Variants in SGCD observed in about 807,000 individuals in gnomAD.
The protein encoded by SGCD is delta-sarcoglycan.
In SGCD, 18 loss-of-function variants were observed where a neutral mutation model predicts 36.6. The observed-to-expected ratio is 0.49, with a 90% CI of 0.34 to 0.73. SGCD has a LOEUF of 0.73. SGCD is among the 30% of genes least tolerant of loss of function. The pLI, the probability that SGCD is intolerant of heterozygous loss-of-function variation, is 0.01. For missense variants in SGCD, 387 were observed against 346.7 expected (o/e 1.12, Z -0.92); for synonymous variants, 133 against 130.6 (o/e 1.02, Z -0.12).
intron 3 of SGCD, among the ~76,000 whole-genome samples, chr5:156,399,530 C>G (rs2135028): frequency 0.23 from 34,925 of 152,048 alleles, 4,413 homozygotes; most frequent in East Asian, 0.38. Context: ...CTTTCCAGGG[C>G]TCTTGTACTT....
chr5:156,730,593 A>G (rs1756011128), intron 7 of SGCD, among the ~76,000 whole-genome samples: 1 of 152,152 alleles, frequency 6.6e-6, no homozygotes, highest in African/African-American at 2.4e-5. Context: ...CATGGTGTAT[A>G]TGTTCCACGT....
the SGCD span, among the ~76,000 whole-genome samples, chr5:155,834,508 C>T: frequency 7.4e-4 from 113 of 152,174 alleles, 1 homozygote; most frequent in South Asian, 8.1e-3. Context: ...GTAACCTTAT[C>T]GTGTGATTCT....
At chr5:156,078,891 G>T (rs182197670) in intron 1 of SGCD, among the ~76,000 whole-genome samples, 27 of 151,288 alleles carry the variant, frequency 1.8e-4, no homozygotes, top group East Asian at 7.8e-4. Context: ...TCACTGTGTA[G>T]GTTCATGCAT....
intron 4 of SGCD, among the ~76,000 whole-genome samples, chr5:156,514,417 G>C (rs1184012407): frequency 6.6e-6 from 1 of 152,208 alleles, no homozygotes; most frequent in Non-Finnish European, 1.5e-5. Flanking sequence ...GGTGGGTATA[G>C]GGCTCCTAGC....
chr5:156,114,012 T>G (rs754193017), intron 1 of SGCD, among the ~76,000 whole-genome samples: 1 of 151,952 alleles, frequency 6.6e-6, no homozygotes, highest in African/African-American at 2.4e-5. Flanking sequence ...GAGGGATAAA[T>G]AGATGGAGCC....
intron 1 of SGCD, among the ~76,000 whole-genome samples, chr5:155,889,684 G>C (rs1481045408): frequency 6.6e-6 from 1 of 152,224 alleles, no homozygotes; most frequent in Admixed American, 6.5e-5. Context: ...TGGAAAGGTA[G>C]TCAGGGACCT....
At chr5:156,021,654 T>C (rs1759100665) in intron 1 of SGCD, among the ~76,000 whole-genome samples, 1 of 152,106 alleles carries the variant, frequency 6.6e-6, no homozygotes, top group African/African-American at 2.4e-5. Context: ...GAGCAGAAGT[T>C]AACTTGGGCC....
chr5:155,729,234 TC>T, the SGCD span, among the ~76,000 whole-genome samples: 1 of 152,208 alleles, frequency 6.6e-6, no homozygotes, highest in Non-Finnish European at 1.5e-5. Context: ...ATCGCTGACT[TC>T]CTCACCAACG....
At chr5:156,381,518 A>T (rs561514768) in intron 3 of SGCD, among the ~76,000 whole-genome samples, 1 of 152,224 alleles carries the variant, frequency 6.6e-6, no homozygotes, top group African/African-American at 2.4e-5. Flanking sequence ...CATAAGCATT[A>T]TATTCCAATA....
At chr5:156,710,683 T>C (rs764861571) in intron 7 of SGCD, among the ~76,000 whole-genome samples, 7 of 152,180 alleles carry the variant, frequency 4.6e-5, no homozygotes, top group Admixed American at 2.0e-4. Context: ...AGTTATTATC[T>C]AAAGATCTGG....
intron 3 of SGCD, among the ~76,000 whole-genome samples, chr5:156,443,489 G>A (rs183580974): frequency 3.0e-4 from 46 of 152,248 alleles, no homozygotes; most frequent in Admixed American, 1.8e-3. Context: ...GTCTGGGACT[G>A]TGGGTGTTAG....
chr5:156,392,274 T>A (rs1771612478), intron 3 of SGCD, among the ~76,000 whole-genome samples: 1 of 152,242 alleles, frequency 6.6e-6, no homozygotes, highest in Non-Finnish European at 1.5e-5. Flanking sequence ...GGACGGGGTC[T>A]TCAACCTCTT....
At chr5:156,748,889 G>C (rs979848573) in intron 7 of SGCD, among the ~76,000 whole-genome samples, 1 of 151,824 alleles carries the variant, frequency 6.6e-6, no homozygotes, top group Admixed American at 6.6e-5. Flanking sequence ...TTTTCCCTCT[G>C]GGGTAGCTGG....
chr5:155,750,679 A>G, the SGCD span, among the ~76,000 whole-genome samples: 1 of 152,204 alleles, frequency 6.6e-6, no homozygotes, highest in Admixed American at 6.5e-5. Context: ...AAAGTACATT[A>G]CATTTAATAA....
chr5:156,561,660 G>A (rs144519327), intron 4 of SGCD, among the ~76,000 whole-genome samples: 345 of 152,306 alleles, frequency 2.3e-3, no homozygotes, highest in African/African-American at 5.2e-3. Context: ...TGGTTTTTCA[G>A]TGTCTGAGTG....
At chr5:155,842,875 G>C in the SGCD span, among the ~76,000 whole-genome samples, 1 of 152,108 alleles carries the variant, frequency 6.6e-6, no homozygotes, top group South Asian at 2.1e-4. Flanking sequence ...TAATATCAGG[G>C]CATCATCTCT....
intron 3 of SGCD, among the ~76,000 whole-genome samples, chr5:156,309,914 C>T (rs559913176): frequency 2.7e-4 from 41 of 152,108 alleles, no homozygotes; most frequent in Admixed American, 1.2e-3. Context: ...GGCCACACTT[C>T]CCTGTTTCAT....
chr5:156,167,202 C>T (rs1156305036), intron 3 of SGCD, among the ~76,000 whole-genome samples: 2 of 152,110 alleles, frequency 1.3e-5, no homozygotes, highest in South Asian at 2.1e-4. Context: ...ACTGACAATC[C>T]GCATATGTTC....
At chr5:156,123,012 G>T (rs371230937) in intron 2 of SGCD, among the ~76,000 whole-genome samples, 3 of 152,036 alleles carry the variant, frequency 2.0e-5, no homozygotes, top group African/African-American at 7.2e-5. Flanking sequence ...CCAACTGGGT[G>T]AATAAAATTG....
Sources: allele counts gnomAD v4.1 joint callset (sites outside exome capture counted in the v4.1 genomes callset), GRCh38; gene constraint gnomAD v4.1.1; transcripts MANE v1.5; gene names NCBI Gene and HGNC (gene_info 2026-07-23, HGNC 2026-07-21).